MEGF10: variants seen among roughly 807,000 people sequenced by gnomAD.
MEGF10 encodes the protein multiple epidermal growth factor-like domains protein 10.
In MEGF10, 86 loss-of-function variants were observed where a neutral mutation model predicts 147.5. The ratio of observed to expected loss-of-function variants is 0.58; its 90% CI spans 0.49 to 0.70. The LOEUF (loss-of-function observed/expected upper bound fraction) is 0.70, where lower values mean the gene tolerates loss of function less well. MEGF10 is among the 30% of genes least tolerant of loss of function. The pLI, the probability that MEGF10 is intolerant of heterozygous loss-of-function variation, is 0.00. For missense variants in MEGF10, 1,329 were observed against 1,487.3 expected (o/e 0.89, Z 1.75); for synonymous variants, 478 against 525.5 (o/e 0.91, Z 1.24).
At chr5:127,327,192 A>G (rs968634896) in intron 1 of MEGF10, among the ~76,000 whole-genome samples, 6 of 152,224 alleles carry the variant, frequency 3.9e-5, no homozygotes, top group African/African-American at 1.4e-4. Context: ...AATGCTAATC[A>G]GTTGTACTGA....
intron 5 of MEGF10, among the ~76,000 whole-genome samples, chr5:127,378,277 C>T (rs1419060624): frequency 2.0e-5 from 3 of 152,118 alleles, no homozygotes; most frequent in Non-Finnish European, 2.9e-5. Context: ...AACAGGTATT[C>T]GCCAGTGCTG....
At chr5:127,349,646 G>A (rs763693236) in intron 4 of MEGF10, among the ~76,000 whole-genome samples, 2 of 150,290 alleles carry the variant, frequency 1.3e-5, no homozygotes, top group Non-Finnish European at 3.0e-5. Context: ...TGTCCTTGAG[G>A]TCCAGCCATA....
chr5:127,290,179 G>C (rs1452269093), upstream of MEGF10, among the ~76,000 whole-genome samples: 1 of 152,040 alleles, frequency 6.6e-6, no homozygotes, highest in African/African-American at 2.4e-5. Context: ...CTGCGCGTCC[G>C]GGGAGTTCTC....
rs149163737 is a variant in MEGF10 at position 127,380,293 on chromosome 5, G to C, written c.412+10291G>C. On this transcript the variant is annotated intron_variant, in intron 5 of 24. Coordinates refer to ENST00000503335, the MANE Select transcript of MEGF10 (RefSeq NM_001256545.2). ...AGACATGAGAGATGAGTAAGACACT[G>C]CCTCTTCTTTTTAGGGGCTCTTAGT... Among the ~76,000 whole-genome samples the C allele has an allele frequency of 2.4e-3, 363 of 152,248 alleles. 1 individual carries two copies. The highest frequency in any genetic ancestry group is 8.1e-3 in the African/African-American group (336 of 41,558).
chr5:127,447,705 T>C, intron 21 of MEGF10, 21 bp downstream of exon 21: 1 of 1,613,772 alleles, frequency 6.2e-7, no homozygotes, highest in South Asian at 1.1e-5. Context: ...TTGGTTCAAG[T>C]CTTTGGAAGT....
At chr5:127,360,357 C>G (rs1762425830) in intron 4 of MEGF10, among the ~76,000 whole-genome samples, 1 of 151,832 alleles carries the variant, frequency 6.6e-6, no homozygotes, top group Non-Finnish European at 1.5e-5. Flanking sequence ...GTTAAGTGCT[C>G]TTTTTTTAGT....
At chr5:127,430,929 C>T (rs1238027649) in intron 13 of MEGF10, among the ~76,000 whole-genome samples, 3 of 152,156 alleles carry the variant, frequency 2.0e-5, no homozygotes, top group African/African-American at 7.2e-5. Flanking sequence ...TCAAAGGAAA[C>T]ATTTCTTTGC....
intron 1 of MEGF10, among the ~76,000 whole-genome samples, chr5:127,295,997 T>A (rs1759480622): frequency 6.6e-6 from 1 of 152,234 alleles, no homozygotes; most frequent in Non-Finnish European, 1.5e-5. Context: ...AGTCATTCAT[T>A]CATTCTTCAT....
At chr5:127,339,706 G>T (rs1761605689) in intron 3 of MEGF10, among the ~76,000 whole-genome samples, 1 of 152,122 alleles carries the variant, frequency 6.6e-6, no homozygotes, top group Non-Finnish European at 1.5e-5. Context: ...AGGGAACTCT[G>T]ATGCCCTAAT....
chr5:127,371,542 A>C (rs1233895926), intron 5 of MEGF10, among the ~76,000 whole-genome samples: 1 of 152,190 alleles, frequency 6.6e-6, no homozygotes, highest in East Asian at 1.9e-4. Flanking sequence ...TAGTCATTTA[A>C]AACTATGTGG....
At chr5:127,236,876 A>G in the MEGF10 span, among the ~76,000 whole-genome samples, 4 of 152,222 alleles carry the variant, frequency 2.6e-5, no homozygotes, top group Non-Finnish European at 5.9e-5. Flanking sequence ...CTGCTGTTCT[A>G]GACAGTCTCC....
intron 1 of MEGF10, among the ~76,000 whole-genome samples, chr5:127,303,103 A>T (rs1458498236): frequency 6.6e-6 from 1 of 152,080 alleles, no homozygotes; most frequent in African/African-American, 2.4e-5. Context: ...TTGGGAGGCC[A>T]AGGTGGGCGG....
At chr5:127,382,899 C>T (rs1455181821) in intron 5 of MEGF10, among the ~76,000 whole-genome samples, 2 of 152,134 alleles carry the variant, frequency 1.3e-5, no homozygotes, top group Non-Finnish European at 2.9e-5. Context: ...GATGTCATTT[C>T]TCACCATCAG....
At chr5:127,377,855 C>A (rs574629202) in intron 5 of MEGF10, among the ~76,000 whole-genome samples, 1 of 152,104 alleles carries the variant, frequency 6.6e-6, no homozygotes, top group Non-Finnish European at 1.5e-5. Context: ...GAATTACTTT[C>A]GAAATCAGGT....
At chr5:127,447,919 A>C (rs1471977622) in intron 21 of MEGF10, among the ~76,000 whole-genome samples, 1 of 152,156 alleles carries the variant, frequency 6.6e-6, no homozygotes, top group African/African-American at 2.4e-5. Context: ...ATAATGAGTG[A>C]GGCAGCTGCT....
intron 1 of MEGF10, among the ~76,000 whole-genome samples, chr5:127,308,723 G>A (rs1760126367): frequency 6.6e-6 from 1 of 151,806 alleles, no homozygotes; most frequent in Non-Finnish European, 1.5e-5. Context: ...TGGGGTGGGG[G>A]GAAGGGGGAG....
the MEGF10 span, among the ~76,000 whole-genome samples, chr5:127,242,273 A>T: frequency 6.6e-6 from 1 of 152,200 alleles, no homozygotes. Flanking sequence ...TAGCACCAGT[A>T]CTAGAAGAAC....
chr5:127,315,677 G>T (rs888674871), intron 1 of MEGF10, among the ~76,000 whole-genome samples: 17 of 152,104 alleles, frequency 1.1e-4, no homozygotes, highest in African/African-American at 4.1e-4. Flanking sequence ...AGGAGGCTGA[G>T]GTGAGAGGAT....
At position 127,419,171 on chromosome 5, in the gene MEGF10, T is replaced by A; in HGVS notation, c.1357T>A (p.Ser453Thr). The change falls in exon 11 of 25, where the codon TCC (serine) becomes ACC (threonine). Residue 453 changes from serine (S) to threonine (T), a missense_variant. This residue lies in a region of MEGF10 where 980 missense variants were observed against 1,085.9 expected (regional missense o/e 0.90). Coordinates refer to ENST00000503335, the MANE Select transcript of MEGF10 (RefSeq NM_001256545.2). ...TCTGGGAACCTATGGGATAAACTGT[T>A]CCTCTCGCTGTGGCTGTAAAAATGA... ...CPLGTYGINC[S>T]SRCGCKNDAV... 1 of 1,614,118 alleles carries A rather than the reference T, an allele frequency of 6.2e-7. No individual in the cohort carries two copies.
Sources: allele counts gnomAD v4.1 joint callset (sites outside exome capture counted in the v4.1 genomes callset), GRCh38; gene constraint gnomAD v4.1.1; regional missense constraint gnomAD v4.1.1; transcripts MANE v1.5; gene names NCBI Gene and HGNC (gene_info 2026-07-23, HGNC 2026-07-21).